The following PILRA variants were observed in gnomAD, a reference collection of about 807,000 sequenced individuals.
PILRA encodes the protein paired immunoglobulin-like type 2 receptor alpha.
In PILRA, 37 loss-of-function variants were observed where a neutral mutation model predicts 33.1. The ratio of observed to expected loss-of-function variants is 1.12; its 90% CI spans 0.86 to 1.47. PILRA has a LOEUF of 1.47. Ranked by LOEUF, PILRA falls within the 40% of genes most tolerant of loss-of-function variation. The pLI is 0.00. For synonymous variants in PILRA, 146 were observed against 149.9 expected (o/e 0.97, Z 0.19); for missense variants, 312 against 376.2 (o/e 0.83, Z 1.41).
At position 100,374,355 on chromosome 7, in the gene PILRA, C is replaced by T. The variant is rs141936238; in HGVS notation, c.376C>T (p.Arg126Ter). ...QKQDQSVYFC[R>*]VELDTRSSGR... ...GCAGGACCAGTCTGTGTATTTCTGC[C>T]GAGTTGAGCTGGACACACGGAGCTC... Residue 126 changes from arginine (R) to a stop codon, truncating the protein, a stop_gained, in exon 2 of 7, where the codon CGA becomes TGA. Coordinates refer to ENST00000198536, the MANE Select transcript of PILRA (RefSeq NM_013439.3). LOFTEE classifies it high-confidence loss of function. 21 of 1,614,026 alleles carry T rather than the reference C, an allele frequency of 1.3e-5. No homozygotes were observed. The highest frequency in any genetic ancestry group is 2.7e-5 in the African/African-American group (2 of 74,982).
chr7:100,380,041 C>T (rs1791052376), intron 2 of PILRA, among the ~76,000 whole-genome samples: 1 of 152,166 alleles, frequency 6.6e-6, no homozygotes, highest in Non-Finnish European at 1.5e-5. Context: ...AAATCTACGT[C>T]AGAAGCAGGG....
intron 2 of PILRA, among the ~76,000 whole-genome samples, chr7:100,380,414 G>A (rs748626303): frequency 6.6e-6 from 1 of 152,220 alleles, no homozygotes; most frequent in Non-Finnish European, 1.5e-5. Flanking sequence ...GAGACCTCGT[G>A]CATGTGATGA....
At chr7:100,374,735 A>C in intron 2 of PILRA, 1 of 440,396 alleles carries the variant, frequency 2.3e-6, no homozygotes, top group East Asian at 4.7e-5. Context: ...CTTTCTCCAA[A>C]ATGAGGCTCC....
At position 100,374,502 on chromosome 7, in the gene PILRA, G is replaced by A. The variant is rs767570385; in HGVS notation, c.454+69G>A. 19 of 1,583,476 alleles carry A rather than the reference G, an allele frequency of 1.2e-5. No individual in the cohort carries two copies. In the Middle Eastern group the frequency reaches 6.6e-4, roughly 55 times the overall value. On this transcript the variant is annotated intron_variant, in intron 2 of 6. Coordinates refer to ENST00000198536, the MANE Select transcript of PILRA (RefSeq NM_013439.3). ...GGCTTTTATGATCACTGGTGACATC[G>A]TCCCCAGCACCTCAGACCCCACTTC...
intron 3 of PILRA, among the ~76,000 whole-genome samples, chr7:100,397,130 A>AT (rs1340587569): frequency 1.3e-4 from 19 of 151,672 alleles, no homozygotes; most frequent in African/African-American, 4.6e-4. Flanking sequence ...AAACATTAAA[A>AT]AAAAAAAAAA....
At chr7:100,392,551 A>G (rs543794338) in intron 3 of PILRA, among the ~76,000 whole-genome samples, 2 of 152,354 alleles carry the variant, frequency 1.3e-5, no homozygotes, top group South Asian at 4.1e-4. Flanking sequence ...TAGAATGACT[A>G]AACAGTGGGC....
At chr7:100,387,360 C>T (rs1443942993) in intron 2 of PILRA, among the ~76,000 whole-genome samples, 1 of 152,138 alleles carries the variant, frequency 6.6e-6, no homozygotes, top group Non-Finnish European at 1.5e-5. Flanking sequence ...ATTACAGGCA[C>T]CCGCCACCAC....
At chr7:100,390,195 C>A in intron 3 of PILRA, 89 bp downstream of exon 3, 2 of 1,166,070 alleles carry the variant, frequency 1.7e-6, no homozygotes, top group Non-Finnish European at 2.5e-6. Flanking sequence ...CTGAAATATG[C>A]AGACCCTGCT....
chr7:100,380,412 G>T (rs974431668), intron 2 of PILRA, among the ~76,000 whole-genome samples: 1 of 152,180 alleles, frequency 6.6e-6, no homozygotes, highest in African/African-American at 2.4e-5. Flanking sequence ...AAGAGACCTC[G>T]TGCATGTGAT....
Position 100,400,037 on chromosome 7 carries a change from G to C in PILRA, c.*130G>C. ...GAGTTCAGGGCCAGCTTTGATAATG[G>C]AGCGAGATGCCATCTCTAGTTAAAA... On this transcript the variant is annotated 3_prime_UTR_variant, in exon 7 of 7. Transcript: ENST00000198536. 2 of 787,194 alleles carry C rather than the reference G, an allele frequency of 2.5e-6. No homozygotes were observed. The highest frequency in any genetic ancestry group is 6.9e-5 in the South Asian group (2 of 28,906). 48.8% of individuals were successfully genotyped at this position (787,194 alleles called of 1,614,324 possible).
At chr7:100,395,792 G>T (rs1791482007) in intron 3 of PILRA, among the ~76,000 whole-genome samples, 2 of 152,160 alleles carry the variant, frequency 1.3e-5, no homozygotes, top group South Asian at 4.1e-4. Flanking sequence ...ATAAAATAGT[G>T]CAAATGATAC....
chr7:100,379,392 G>A (rs1374605286), intron 2 of PILRA, among the ~76,000 whole-genome samples: 1 of 152,014 alleles, frequency 6.6e-6, no homozygotes, highest in African/African-American at 2.4e-5. Context: ...AAAAGGCCAG[G>A]TTTGGTGCCT....
Sources: allele counts gnomAD v4.1 joint callset (sites outside exome capture counted in the v4.1 genomes callset), GRCh38; gene constraint gnomAD v4.1.1; transcripts MANE v1.5; gene names NCBI Gene and HGNC (gene_info 2026-07-23, HGNC 2026-07-21).